Variants in SGCD observed in about 807,000 individuals in gnomAD.
SGCD encodes the protein delta-sarcoglycan.
SGCD carries 18 observed loss-of-function variants against 36.6 expected under a neutral mutation model. The ratio of observed to expected loss-of-function variants is 0.49; its 90% CI spans 0.34 to 0.73. SGCD has a LOEUF of 0.73. SGCD is among the 30% of genes least tolerant of loss of function. The pLI is 0.01. For synonymous variants in SGCD, 133 were observed against 130.6 expected, an observed-to-expected ratio of 1.02 and a Z score of -0.12; for missense variants, 387 against 346.7, an observed-to-expected ratio of 1.12 and a Z score of -0.92.
chr5:156,744,115 G>T (rs1330427536), intron 7 of SGCD, among the ~76,000 whole-genome samples: 1 of 152,218 alleles, frequency 6.6e-6, no homozygotes, highest in Non-Finnish European at 1.5e-5. Flanking sequence ...GAGCCCAGGA[G>T]TTCAAAACCA....
intron 4 of SGCD, among the ~76,000 whole-genome samples, chr5:156,580,608 T>C (rs1471429670): frequency 6.6e-6 from 1 of 152,208 alleles, no homozygotes; most frequent in Non-Finnish European, 1.5e-5. Context: ...CTCTTTACTC[T>C]TTTTTCTCTA....
rs1249991524 is a variant in SGCD, at chr5:155,884,952, A to G, written c.-282+14528A>G. 1.7e-5 allele frequency among the ~76,000 whole-genome samples: 2 copies of G among 117,110 alleles called. 1 individual carries two copies. The highest frequency in any genetic ancestry group is 3.3e-5 in the Non-Finnish European group (2 of 60,868). 76.8% of individuals were successfully genotyped at this position (117,110 alleles called of 152,430 possible). On this transcript the variant is annotated intron_variant, in intron 1 of 9. Coordinates refer to the SGCD transcript ENST00000517913. Reference sequence around the variant, plus strand: ...CTGCCATGACATGTTTTGTGTAAGTATTTTCTCTGTAACCTTTGTCAAAGT... The same window carrying G: ...CTGCCATGACATGTTTTGTGTAAGTGTTTTCTCTGTAACCTTTGTCAAAGT...
At chr5:156,184,231 C>T (rs76220427) in intron 3 of SGCD, among the ~76,000 whole-genome samples, 8,106 of 152,140 alleles carry the variant, frequency 0.053, 366 homozygotes, top group African/African-American at 0.12. Flanking sequence ...GAATGCCTAA[C>T]GCTTTCACAC....
the SGCD span, among the ~76,000 whole-genome samples, chr5:155,759,228 T>C: frequency 1.3e-5 from 2 of 152,178 alleles, no homozygotes; most frequent in Admixed American, 1.3e-4. Flanking sequence ...CATTAGCCTT[T>C]GTCGAGCAAA....
chr5:156,407,665 G>C (rs895603782), intron 3 of SGCD, among the ~76,000 whole-genome samples: 1 of 152,196 alleles, frequency 6.6e-6, no homozygotes, highest in Non-Finnish European at 1.5e-5. Flanking sequence ...GGAGTGTCTT[G>C]AGCTTTTGTT....
intron 1 of SGCD, among the ~76,000 whole-genome samples, chr5:155,877,003 T>C (rs1337005526): frequency 6.6e-6 from 1 of 152,128 alleles, no homozygotes; most frequent in Non-Finnish European, 1.5e-5. Flanking sequence ...ACATTCCCTA[T>C]CTTCAAGGAA....
chr5:156,501,988 G>A (rs75327186), intron 3 of SGCD, among the ~76,000 whole-genome samples: 2,651 of 150,482 alleles, frequency 0.018, 71 homozygotes, highest in African/African-American at 0.062. Flanking sequence ...ATAAGATATT[G>A]TCTGTTTTTC....
At chr5:156,462,010 T>C (rs1389742257) in intron 3 of SGCD, among the ~76,000 whole-genome samples, 1 of 152,220 alleles carries the variant, frequency 6.6e-6, no homozygotes, top group Non-Finnish European at 1.5e-5. Context: ...GGAAGAAATA[T>C]GTGAAAAGCT....
chr5:156,680,868 C>T (rs1753693043), intron 7 of SGCD, among the ~76,000 whole-genome samples: 1 of 152,128 alleles, frequency 6.6e-6, no homozygotes, highest in South Asian at 2.1e-4. Context: ...TTTCCTTGAC[C>T]CCCTTCATGG....
chr5:156,250,081 TA>T (rs1249233046), intron 3 of SGCD, among the ~76,000 whole-genome samples: 1 of 152,232 alleles, frequency 6.6e-6, no homozygotes, highest in African/African-American at 2.4e-5. Flanking sequence ...TTTGTAACTA[TA>T]ATGAGCGTTG....
rs538627384 is a variant in SGCD, at chr5:156,087,259, T to A, written c.-281-30619T>A. Among the ~76,000 whole-genome samples, 32 of 152,302 alleles carry A rather than the reference T, an allele frequency of 2.1e-4. No individual in the cohort carries two copies. The South Asian group carries it at 6.4e-3, about 31-fold the overall frequency. On this transcript the variant is annotated intron_variant, in intron 1 of 9. Coordinates refer to the SGCD transcript ENST00000517913. ...GTTTATGCATATTATTTAGGGCTAA[T>A]GAGATATTTCCCAAGTTGTCTAGAA...
intron 1 of SGCD, among the ~76,000 whole-genome samples, chr5:155,972,389 G>A (rs1758023516): frequency 6.6e-6 from 1 of 151,820 alleles, no homozygotes; most frequent in South Asian, 2.1e-4. Context: ...GACTTTTGTT[G>A]CCTAATACTA....
At chr5:156,183,868 T>C (rs1311566376) in intron 3 of SGCD, among the ~76,000 whole-genome samples, 1 of 152,204 alleles carries the variant, frequency 6.6e-6, no homozygotes, top group African/African-American at 2.4e-5. Flanking sequence ...CAGTGGATGA[T>C]AGCTAACTAT....
chr5:156,464,308 CCTCCCAGGTTCAATTGATT>C (rs1019432872), intron 3 of SGCD, among the ~76,000 whole-genome samples: 1 of 149,402 alleles, frequency 6.7e-6, no homozygotes. Flanking sequence ...GCAACCTGTG[CCTCCCAGGTTCAATTGATT>C]CTCCTGCCTC....
intron 1 of SGCD, among the ~76,000 whole-genome samples, chr5:155,876,773 A>G: frequency 6.6e-6 from 1 of 152,154 alleles, no homozygotes; most frequent in East Asian, 1.9e-4. Context: ...ATAAGAAACT[A>G]TGAAAAATAT....
At chr5:156,533,799 G>A (rs1329780651) in intron 4 of SGCD, among the ~76,000 whole-genome samples, 1 of 152,092 alleles carries the variant, frequency 6.6e-6, no homozygotes, top group African/African-American at 2.4e-5. Context: ...TATTCAATTT[G>A]CCTTATAAAA....
At chr5:156,235,436 A>G (rs749041991) in intron 3 of SGCD, among the ~76,000 whole-genome samples, 9 of 152,228 alleles carry the variant, frequency 5.9e-5, no homozygotes, top group South Asian at 2.1e-4. Context: ...TCAGCAAGCT[A>G]CTTGCCAATA....
At chr5:156,455,868 C>T (rs1250116065) in intron 3 of SGCD, among the ~76,000 whole-genome samples, 1 of 152,076 alleles carries the variant, frequency 6.6e-6, no homozygotes, top group Non-Finnish European at 1.5e-5. Context: ...CACGTGAAGA[C>T]AGAAACAAAT....
intron 3 of SGCD, among the ~76,000 whole-genome samples, chr5:156,507,304 A>T (rs76152052): frequency 1.6e-4 from 24 of 152,300 alleles, no homozygotes; most frequent in Non-Finnish European, 1.5e-5. Context: ...GAAAAACTCA[A>T]TCAGCCACTG....
Sources: gnomAD v4.1 joint callset for allele counts (sites outside exome capture counted in the v4.1 genomes callset) on GRCh38, gnomAD v4.1.1 for gene constraint, MANE v1.5 for transcripts, NCBI Gene and HGNC (gene_info 2026-07-23, HGNC 2026-07-21) for gene names.